The following MICU1 variants were observed in gnomAD, a reference collection of about 807,000 sequenced individuals.
The protein encoded by MICU1 is mitochondrial calcium uptake 1.
A neutral mutation model predicts 56.8 loss-of-function variants in MICU1; 45 were observed. The ratio of observed to expected loss-of-function variants is 0.79; its 90% CI spans 0.62 to 1.02. The LOEUF (loss-of-function observed/expected upper bound fraction) is 1.02. Ranked by LOEUF, MICU1 falls within the 50% of genes least tolerant of loss-of-function variation. The probability of loss-of-function intolerance (pLI) is 0.00; values close to 1 mark genes in which losing one functional copy is unlikely to be tolerated. For missense variants in MICU1, 504 were observed against 587.1 expected (o/e 0.86, Z 1.46); for synonymous variants, 186 against 195.1 (o/e 0.95, Z 0.39).
At position 72,566,699 on chromosome 10, in the gene MICU1, C is replaced by G. The variant is rs1451714587; in HGVS notation, c.95G>C (p.Arg32Thr). The change falls in exon 2 of 12, where the codon AGA (arginine) becomes ACA (threonine). Residue 32 changes from arginine to threonine, a missense_variant. Transcript: ENST00000361114. Reference sequence around the variant, plus strand: ...TCCCAGGAAAGCCACCATCATTAGTCTTCGCCGGATCTGGATGGGCTGTGA... The same window carrying G: ...TCCCAGGAAAGCCACCATCATTAGTGTTCGCCGGATCTGGATGGGCTGTGA... Reference protein sequence around the residue: ...GGSQPIQIRRRLMMVAFLGAS... With the variant: ...GGSQPIQIRRTLMMVAFLGAS... The G allele has an allele frequency of 1.2e-6, 2 of 1,612,896 alleles. No individual in the cohort carries two copies. The highest frequency in any genetic ancestry group is 1.7e-6 in the Non-Finnish European group (2 of 1,179,426).
At chr10:72,490,364 T>C (rs1426399182) in intron 6 of MICU1, among the ~76,000 whole-genome samples, 5 of 152,074 alleles carry the variant, frequency 3.3e-5, no homozygotes, top group Admixed American at 1.3e-4. Context: ...AAATAACACA[T>C]AATACTAAGA....
chr10:72,422,470 C>T (rs951099736), intron 9 of MICU1, among the ~76,000 whole-genome samples: 2 of 152,184 alleles, frequency 1.3e-5, no homozygotes, highest in African/African-American at 4.8e-5. Context: ...TTTCCAGAGC[C>T]TCCTCTTCCA....
At chr10:72,464,597 T>C (rs187128728) in intron 8 of MICU1, among the ~76,000 whole-genome samples, 1 of 152,334 alleles carries the variant, frequency 6.6e-6, no homozygotes, top group Admixed American at 6.5e-5. Context: ...GCCTATGGTA[T>C]ACCTATATAC....
intron 10 of MICU1, among the ~76,000 whole-genome samples, chr10:72,393,929 C>T (rs1003459219): frequency 8.5e-5 from 13 of 152,136 alleles, no homozygotes; most frequent in South Asian, 2.1e-4. Context: ...CCACTGCACC[C>T]GGCTAATTTT....
At chr10:72,394,490 G>A (rs554071154) in intron 10 of MICU1, among the ~76,000 whole-genome samples, 9 of 152,208 alleles carry the variant, frequency 5.9e-5, no homozygotes, top group Admixed American at 4.6e-4. Context: ...GCCAGGTGTC[G>A]TGGCACATGC....
At chr10:72,477,695 G>C in intron 6 of MICU1, 3 of 678,078 alleles carry the variant, frequency 4.4e-6, no homozygotes, top group Non-Finnish European at 7.3e-6. Context: ...CAACAAGCCA[G>C]CTTTCTACTT....
intron 1 of MICU1, among the ~76,000 whole-genome samples, chr10:72,623,604 C>G (rs1240540727): frequency 1.3e-5 from 2 of 151,772 alleles, no homozygotes; most frequent in African/African-American, 4.8e-5. Context: ...TTTGGGAGGC[C>G]GAGGCAGGTG....
chr10:72,499,901 T>C (rs1228908994), intron 6 of MICU1, among the ~76,000 whole-genome samples: 1 of 152,158 alleles, frequency 6.6e-6, no homozygotes, highest in Admixed American at 6.6e-5. Flanking sequence ...GACTTCAGCA[T>C]GGCAAGAGAA....
intron 8 of MICU1, among the ~76,000 whole-genome samples, chr10:72,448,017 G>T (rs756129440): frequency 1.1e-4 from 17 of 151,102 alleles, no homozygotes; most frequent in Non-Finnish European, 2.1e-4. Context: ...CCCCTTCTTT[G>T]ATTGGCTTAA....
At chr10:72,395,102 C>T (rs1364587206) in intron 10 of MICU1, among the ~76,000 whole-genome samples, 1 of 152,102 alleles carries the variant, frequency 6.6e-6, no homozygotes, top group East Asian at 1.9e-4. Context: ...CGGCATGAAC[C>T]CAGGAGGCGG....
intron 8 of MICU1, among the ~76,000 whole-genome samples, chr10:72,459,916 C>A (rs1181649604): frequency 2.0e-5 from 3 of 152,226 alleles, no homozygotes; most frequent in African/African-American, 7.2e-5. Context: ...TCTACTCTTT[C>A]ATACCAATTG....
intron 8 of MICU1, among the ~76,000 whole-genome samples, chr10:72,466,611 T>G (rs1404001226): frequency 6.6e-6 from 1 of 152,208 alleles, no homozygotes; most frequent in Non-Finnish European, 1.5e-5. Flanking sequence ...GAGTCAGGTC[T>G]CATCATTTAG....
At position 72,526,588 on chromosome 10, in the gene MICU1, G is replaced by A. The variant is rs534934278; in HGVS notation, c.537+7158C>T. ...TGGGATTACAGGCATGAGCCACTGC[G>A]CCCAGCCAGTAAATTAATTACATCC... is the stretch of plus-strand genomic sequence containing the variant. On this transcript the variant is annotated intron_variant, in intron 5 of 11. Transcript: ENST00000361114. Among the ~76,000 whole-genome samples, 8 of 152,230 alleles carry A rather than the reference G, an allele frequency of 5.3e-5. No homozygotes were observed. The South Asian group carries it at 8.3e-4, about 16-fold the overall frequency.
At chr10:72,612,225 ATAG>A (rs1429259873) in intron 1 of MICU1, among the ~76,000 whole-genome samples, 1 of 152,060 alleles carries the variant, frequency 6.6e-6, no homozygotes, top group East Asian at 1.9e-4. Flanking sequence ...TTAATTTCTT[ATAG>A]TAGAACTCCA....
At chr10:72,477,053 A>T in intron 7 of MICU1, 121 bp downstream of exon 7, 1 of 598,928 alleles carries the variant, frequency 1.7e-6, no homozygotes, top group Non-Finnish European at 2.8e-6. Flanking sequence ...ATGACATTTT[A>T]GGTACTTCAA....
chr10:72,423,631 G>T (rs1039330441), intron 8 of MICU1, among the ~76,000 whole-genome samples: 7 of 152,174 alleles, frequency 4.6e-5, no homozygotes, highest in Non-Finnish European at 7.3e-5. Flanking sequence ...AGATGAGGCT[G>T]GGACTTGCTG....
chr10:72,604,419 A>G (rs1447351033), intron 1 of MICU1, among the ~76,000 whole-genome samples: 2 of 151,874 alleles, frequency 1.3e-5, no homozygotes, highest in Non-Finnish European at 2.9e-5. Context: ...GATTACAGGT[A>G]TGCACCACCA....
chr10:72,512,426 G>A (rs1404180696), intron 5 of MICU1, among the ~76,000 whole-genome samples: 2 of 151,976 alleles, frequency 1.3e-5, no homozygotes, highest in African/African-American at 2.4e-5. Flanking sequence ...AGCTCCTTAA[G>A]CCATACTTAA....
intron 8 of MICU1, among the ~76,000 whole-genome samples, chr10:72,427,966 A>C (rs1461532351): frequency 6.6e-6 from 1 of 152,100 alleles, no homozygotes; most frequent in East Asian, 1.9e-4. Flanking sequence ...GATTACAAGG[A>C]AAGTTCTCGA....
Sources: allele counts gnomAD v4.1 joint callset (sites outside exome capture counted in the v4.1 genomes callset), GRCh38; gene constraint gnomAD v4.1.1; transcripts MANE v1.5; gene names NCBI Gene and HGNC (gene_info 2026-07-23, HGNC 2026-07-21).